The following DLG2 variants were observed in gnomAD, a reference collection of about 807,000 sequenced individuals.
DLG2 encodes disks large homolog 2.
DLG2 carries 45 observed loss-of-function variants against 132.5 expected under a neutral mutation model. That is an observed-to-expected ratio of 0.34 (90% CI 0.27 to 0.44). DLG2 has a LOEUF of 0.44. Ranked by LOEUF, DLG2 falls within the 20% of genes least tolerant of loss-of-function variation. DLG2 has a pLI of 1.00. For missense variants in DLG2, 1,045 were observed against 1,196.9 expected, an observed-to-expected ratio of 0.87 and a Z score of 1.87; for synonymous variants, 424 against 419.6, an observed-to-expected ratio of 1.01 and a Z score of -0.13.
chr11:85,055,924 A>G (rs773328057), intron 6 of DLG2, among the ~76,000 whole-genome samples: 2 of 152,130 alleles, frequency 1.3e-5, no homozygotes, highest in Non-Finnish European at 2.9e-5. Context: ...AAACTGAAAC[A>G]TTGTGCTTGA....
chr11:85,249,597 A>G (rs1459413914), intron 4 of DLG2, among the ~76,000 whole-genome samples: 2 of 152,156 alleles, frequency 1.3e-5, no homozygotes, highest in African/African-American at 4.8e-5. Flanking sequence ...GAAATGAAGA[A>G]AGAGGCAGGG....
At chr11:85,216,338 ATAAG>A (rs2082594407) in intron 4 of DLG2, among the ~76,000 whole-genome samples, 1 of 152,362 alleles carries the variant, frequency 6.6e-6, no homozygotes. Context: ...TTTCATGGAA[ATAAG>A]TAAAGTACCT....
intron 7 of DLG2, among the ~76,000 whole-genome samples, chr11:84,420,230 A>G (rs1367960136): frequency 9.9e-5 from 15 of 152,200 alleles, no homozygotes; most frequent in Non-Finnish European, 7.4e-5. Flanking sequence ...TCCTTTGACC[A>G]TAATATAGCT....
intron 3 of DLG2, among the ~76,000 whole-genome samples, chr11:85,432,573 A>G (rs140828612): frequency 6.2e-4 from 94 of 152,100 alleles, no homozygotes; most frequent in African/African-American, 2.2e-3. Context: ...GATCAAGCAG[A>G]AAAAAGAGTA....
At chr11:84,975,352 T>C (rs932706824) in intron 6 of DLG2, among the ~76,000 whole-genome samples, 3 of 152,196 alleles carry the variant, frequency 2.0e-5, no homozygotes, top group African/African-American at 7.2e-5. Context: ...ATGGAAGTCA[T>C]AGTATCAGCC....
At chr11:85,100,216 T>C (rs954448666) in intron 6 of DLG2, among the ~76,000 whole-genome samples, 5 of 152,144 alleles carry the variant, frequency 3.3e-5, no homozygotes, top group African/African-American at 1.2e-4. Context: ...CAAGTGCCTT[T>C]GAGAGGCAAC....
intron 9 of DLG2, among the ~76,000 whole-genome samples, chr11:84,147,669 A>G (rs1375036515): frequency 2.6e-5 from 4 of 152,284 alleles, no homozygotes; most frequent in African/African-American, 7.2e-5. Context: ...ACATACTTAA[A>G]TATATATTAA....
chr11:85,472,598 G>A (rs955203980), intron 3 of DLG2, among the ~76,000 whole-genome samples: 9 of 152,032 alleles, frequency 5.9e-5, no homozygotes, highest in African/African-American at 2.2e-4. Context: ...ACACCCAGCC[G>A]AGAGCTATTC....
chr11:83,790,675 C>T, intron 17 of DLG2: 2 of 891,534 alleles, frequency 2.2e-6, no homozygotes, highest in South Asian at 2.6e-5. Context: ...TGCGGACCCA[C>T]TCTGGGGCTC....
At chr11:84,489,769 C>A (rs1183019176) in intron 7 of DLG2, among the ~76,000 whole-genome samples, 1 of 152,034 alleles carries the variant, frequency 6.6e-6, no homozygotes, top group Non-Finnish European at 1.5e-5. Flanking sequence ...AATTTAATTC[C>A]TCCATGAAAC....
At chr11:84,865,200 T>C (rs769539568) in intron 6 of DLG2, among the ~76,000 whole-genome samples, 1 of 152,166 alleles carries the variant, frequency 6.6e-6, no homozygotes, top group Non-Finnish European at 1.5e-5. Flanking sequence ...ACTCTTGCTG[T>C]ATCCGTGGAA....
intron 3 of DLG2, among the ~76,000 whole-genome samples, chr11:85,483,890 G>C (rs1248020313): frequency 2.3e-5 from 3 of 129,222 alleles, no homozygotes; most frequent in Non-Finnish European, 4.9e-5. Flanking sequence ...GTTGCAGTGA[G>C]CCAAAAAAAA....
At chr11:84,968,063 G>A (rs915276349) in intron 6 of DLG2, among the ~76,000 whole-genome samples, 2 of 152,028 alleles carry the variant, frequency 1.3e-5, no homozygotes, top group Non-Finnish European at 2.9e-5. Context: ...ACATTTATAT[G>A]AATAGAAGTT....
chr11:85,571,613 G>A (rs554828991), intron 3 of DLG2, among the ~76,000 whole-genome samples: 1 of 152,276 alleles, frequency 6.6e-6, no homozygotes, highest in South Asian at 2.1e-4. Context: ...TTGGGCATGT[G>A]CACAGCCATC....
intron 6 of DLG2, among the ~76,000 whole-genome samples, chr11:85,022,502 A>G (rs2060164472): frequency 6.6e-6 from 1 of 152,116 alleles, no homozygotes. Context: ...AGGAACTATA[A>G]AACATAAGGA....
intron 4 of DLG2, among the ~76,000 whole-genome samples, chr11:85,155,612 G>A (rs1227480588): frequency 6.6e-6 from 1 of 152,124 alleles, no homozygotes; most frequent in African/African-American, 2.4e-5. Flanking sequence ...TCTCACACCT[G>A]TAATCTCAGT....
intron 18 of DLG2, among the ~76,000 whole-genome samples, chr11:83,660,401 A>C (rs1038448544): frequency 6.6e-6 from 1 of 152,248 alleles, no homozygotes; most frequent in Non-Finnish European, 1.5e-5. Context: ...ACATTTAAAA[A>C]TTAAAAATTT....
At chr11:84,706,395 T>C (rs1230085322) in intron 6 of DLG2, among the ~76,000 whole-genome samples, 3 of 151,786 alleles carry the variant, frequency 2.0e-5, no homozygotes, top group Admixed American at 1.3e-4. Context: ...GATTATTCAA[T>C]TGAAACTAAG....
intron 19 of DLG2, among the ~76,000 whole-genome samples, chr11:83,565,435 C>A (rs943894353): frequency 1.3e-5 from 2 of 152,078 alleles, no homozygotes; most frequent in African/African-American, 4.8e-5. Context: ...TTTATTAAGC[C>A]CTTGTGCAGT....
Sources: gnomAD v4.1 joint callset for allele counts (sites outside exome capture counted in the v4.1 genomes callset) on GRCh38, gnomAD v4.1.1 for gene constraint, MANE v1.5 for transcripts, NCBI Gene and HGNC (gene_info 2026-07-23, HGNC 2026-07-21) for gene names.